Variants in SPOCK1 observed in about 807,000 individuals in gnomAD.
SPOCK1 encodes testican-1.
Under a neutral mutation model 55.3 loss-of-function variants are expected in SPOCK1, and 23 were observed. The observed-to-expected ratio is 0.42, with a 90% confidence interval of 0.30 to 0.59. SPOCK1 has a LOEUF of 0.59. Ranked by LOEUF, SPOCK1 falls within the 20% of genes least tolerant of loss-of-function variation. The pLI is 0.22. For missense variants in SPOCK1, 499 were observed against 552.5 expected (o/e 0.90, Z 0.97); for synonymous variants, 226 against 221.0 (o/e 1.02, Z -0.20).
chr5:137,285,184 G>A (rs1757238867), intron 2 of SPOCK1, among the ~76,000 whole-genome samples: 1 of 152,198 alleles, frequency 6.6e-6, no homozygotes, highest in South Asian at 2.1e-4. Context: ...ACTAAAATTA[G>A]ATGCAAATTT....
chr5:137,144,622 C>G (rs1032817187), intron 3 of SPOCK1, among the ~76,000 whole-genome samples: 2 of 152,174 alleles, frequency 1.3e-5, no homozygotes, highest in Non-Finnish European at 2.9e-5. Context: ...TCCATTTAAA[C>G]TCAGGCCTCC....
At chr5:137,066,987 C>CAGAG (rs753181225) in intron 6 of SPOCK1, among the ~76,000 whole-genome samples, 9 of 139,588 alleles carry the variant, frequency 6.4e-5, no homozygotes, top group African/African-American at 2.1e-4. Flanking sequence ...CACACACACA[C>CAGAG]AGAGAGAGAG....
chr5:137,092,359 G>A (rs1454563797), intron 5 of SPOCK1, among the ~76,000 whole-genome samples: 1 of 152,228 alleles, frequency 6.6e-6, no homozygotes, highest in Non-Finnish European at 1.5e-5. Context: ...AGCGACCGAG[G>A]GGCTGAGATT....
intron 2 of SPOCK1, among the ~76,000 whole-genome samples, chr5:137,369,617 C>T (rs998309043): frequency 2.0e-5 from 3 of 152,116 alleles, no homozygotes; most frequent in Admixed American, 6.5e-5. Flanking sequence ...CTCGGGTTTC[C>T]GTAACAAAAT....
chr5:137,389,982 T>C (rs1484785133), intron 2 of SPOCK1, among the ~76,000 whole-genome samples: 1 of 152,060 alleles, frequency 6.6e-6, no homozygotes, highest in Non-Finnish European at 1.5e-5. Flanking sequence ...TCCACTCTGG[T>C]CCATGTATGT....
intron 2 of SPOCK1, among the ~76,000 whole-genome samples, chr5:137,453,934 T>C (rs1033124682): frequency 6.6e-6 from 1 of 152,126 alleles, no homozygotes; most frequent in African/African-American, 2.4e-5. Context: ...AAACTAAATT[T>C]AGCTGTTTGT....
Position 137,036,474 on chromosome 5 carries a change from C to G in SPOCK1, c.589+31241G>C, listed in dbSNP as rs190210604. Among the ~76,000 whole-genome samples, 8 of 152,306 alleles carry G rather than the reference C, an allele frequency of 5.3e-5. No individual in the cohort carries two copies. The East Asian group carries it at 1.5e-3, about 29-fold the overall frequency. ...TTCCTTCTTGTTGTACAATATAAAA[C>G]TATCAACCTGTTTGTTTATCTGCCC... is the stretch of plus-strand genomic sequence containing the variant. On this transcript the variant is annotated intron_variant, in intron 6 of 10. Coordinates refer to ENST00000394945, the MANE Select transcript of SPOCK1 (RefSeq NM_004598.4).
intron 2 of SPOCK1, among the ~76,000 whole-genome samples, chr5:137,421,651 T>C (rs1048103098): frequency 3.3e-5 from 5 of 152,236 alleles, no homozygotes; most frequent in Admixed American, 6.5e-5. Context: ...ATTGGCTTGG[T>C]AGATCTTCCT....
At chr5:137,064,114 A>C (rs1301673506) in intron 6 of SPOCK1, among the ~76,000 whole-genome samples, 1 of 152,134 alleles carries the variant, frequency 6.6e-6, no homozygotes, top group Non-Finnish European at 1.5e-5. Flanking sequence ...GTGAGAATGA[A>C]CACCACTGGC....
At chr5:137,110,191 T>C (rs1352952470) in intron 5 of SPOCK1, among the ~76,000 whole-genome samples, 1 of 152,204 alleles carries the variant, frequency 6.6e-6, no homozygotes, top group African/African-American at 2.4e-5. Context: ...CACAGACTTT[T>C]ATTACAAAAA....
intron 4 of SPOCK1, among the ~76,000 whole-genome samples, chr5:137,120,173 G>C (rs1032458412): frequency 6.6e-6 from 1 of 152,088 alleles, no homozygotes; most frequent in Non-Finnish European, 1.5e-5. Context: ...CGAGAGCCAG[G>C]GTCACCACAC....
chr5:137,297,167 T>A (rs1757505639), intron 2 of SPOCK1, among the ~76,000 whole-genome samples: 2 of 152,212 alleles, frequency 1.3e-5, no homozygotes, highest in Non-Finnish European at 2.9e-5. Context: ...TGTATGCATA[T>A]CTTTATGTGT....
chr5:137,232,799 G>A (rs1224152505), intron 3 of SPOCK1, among the ~76,000 whole-genome samples: 1 of 152,144 alleles, frequency 6.6e-6, no homozygotes, highest in Non-Finnish European at 1.5e-5. Flanking sequence ...ACCATGTTAA[G>A]TCTCCAAATC....
chr5:137,311,865 T>C (rs1757794285), intron 2 of SPOCK1, among the ~76,000 whole-genome samples: 1 of 152,240 alleles, frequency 6.6e-6, no homozygotes, highest in South Asian at 2.1e-4. Context: ...TAATAAAGCA[T>C]GAACTTTGCT....
chr5:137,075,630 T>C (rs1306132479), intron 5 of SPOCK1, among the ~76,000 whole-genome samples: 1 of 152,238 alleles, frequency 6.6e-6, no homozygotes, highest in Non-Finnish European at 1.5e-5. Context: ...CATGTACAGA[T>C]TGTCACAGGC....
At position 137,027,629 on chromosome 5, in the gene SPOCK1, T is replaced by C. The variant is rs1271757518; in HGVS notation, c.590-35029A>G. Among the ~76,000 whole-genome samples the C allele has an allele frequency of 4.6e-5, 7 of 152,168 alleles. No homozygotes were observed. The East Asian group carries it at 1.3e-3, about 29-fold the overall frequency. On this transcript the variant is annotated intron_variant, in intron 6 of 10. Transcript: ENST00000394945. ...ACACTCAATATCCATATGTAGCTAGTAGCAGATACAGACTAACTGAAGGGT... is the reference window on the plus strand; with the variant it reads ...ACACTCAATATCCATATGTAGCTAGCAGCAGATACAGACTAACTGAAGGGT...
rs911240658 is a variant in SPOCK1, at chr5:136,977,908, T to C, written c.*746A>G. The C allele has an allele frequency of 1.3e-5, 5 of 397,340 alleles. No individual in the cohort carries two copies. Among genetic ancestry groups the C allele is most frequent in the East Asian group, 7.1e-5 (2 of 28,064 alleles). 24.6% of individuals were successfully genotyped at this position (397,340 alleles called of 1,614,324 possible). A position where few individuals can be genotyped will look rare whatever the true frequency, so the allele number is the denominator to read the frequency against. ...TCTGGACAAGCTGAGAAATTTATCA[T>C]TGTTTTTCGAGTTTTTAAGATACCC... On this transcript the variant is annotated 3_prime_UTR_variant, in exon 11 of 11. Coordinates refer to ENST00000394945, the MANE Select transcript of SPOCK1 (RefSeq NM_004598.4).
chr5:137,079,546 G>GCCA (rs370427050), intron 5 of SPOCK1, among the ~76,000 whole-genome samples: 6 of 100,774 alleles, frequency 6.0e-5, no homozygotes, highest in Admixed American at 2.8e-4. Flanking sequence ...CCCCCCCCCC[G>GCCA]ACTTAGTGAA....
chr5:137,016,854 G>A (rs1216723536), intron 6 of SPOCK1, among the ~76,000 whole-genome samples: 1 of 152,256 alleles, frequency 6.6e-6, no homozygotes, highest in Non-Finnish European at 1.5e-5. Context: ...CTGTGAGATG[G>A]CCCTGCAGGT....
Sources: gnomAD v4.1 joint callset for allele counts (sites outside exome capture counted in the v4.1 genomes callset) on GRCh38, gnomAD v4.1.1 for gene constraint, MANE v1.5 for transcripts, NCBI Gene and HGNC (gene_info 2026-07-23, HGNC 2026-07-21) for gene names.